Variants in RUNX1T1 observed in about 807,000 individuals in gnomAD.
RUNX1T1 encodes the protein protein CBFA2T1.
In RUNX1T1, 4 loss-of-function variants were observed where a neutral mutation model predicts 62.8. The observed-to-expected ratio is 0.06, with a 90% CI of 0.03 to 0.15. RUNX1T1 has a LOEUF of 0.15. RUNX1T1 is among the 10% of genes least tolerant of loss of function. The pLI is 1.00. For synonymous variants in RUNX1T1, 291 were observed against 286.0 expected, an observed-to-expected ratio of 1.02 and a Z score of -0.18; for missense variants, 508 against 754.3, an observed-to-expected ratio of 0.67 and a Z score of 3.82.
chr8:91,977,411 A>C (rs1280742855), intron 8 of RUNX1T1: 1 of 194,988 alleles, frequency 5.1e-6, no homozygotes, highest in Non-Finnish European at 1.1e-5. Context: ...AATGACAAAA[A>C]TAAAAACGTT....
intron 1 of RUNX1T1, chr8:92,095,462 G>A: frequency 6.5e-7 from 1 of 1,534,732 alleles, no homozygotes. Context: ...TGTCAGGATG[G>A]CACATTGTGT....
chr8:91,963,791 T>C (rs1811027000), intron 10 of RUNX1T1, among the ~76,000 whole-genome samples: 1 of 152,222 alleles, frequency 6.6e-6, no homozygotes, highest in Admixed American at 6.5e-5. Context: ...ATATTCAAGA[T>C]ACTATTTCCT....
intron 1 of RUNX1T1, among the ~76,000 whole-genome samples, chr8:92,082,627 C>T (rs757965674): frequency 3.3e-5 from 5 of 152,126 alleles, no homozygotes; most frequent in Non-Finnish European, 7.3e-5. Flanking sequence ...AAAAAGGTTT[C>T]CTGAAGAAAA....
chr8:92,030,005 A>G (rs76646320), intron 1 of RUNX1T1, among the ~76,000 whole-genome samples: 2,501 of 152,248 alleles, frequency 0.016, 62 homozygotes, highest in African/African-American at 0.056. Flanking sequence ...AACTCTTAGT[A>G]TAAAATCCAA....
exon 2 of RUNX1T1, chr8:92,017,232 T>C: frequency 6.2e-7 from 1 of 1,602,844 alleles, no homozygotes; most frequent in South Asian, 1.1e-5. Flanking sequence ...TTACACGTTG[T>C]CGGTGTAAAT....
intron 8 of RUNX1T1, among the ~76,000 whole-genome samples, chr8:91,978,377 A>G (rs1027823755): frequency 8.5e-5 from 13 of 152,144 alleles, no homozygotes; most frequent in Admixed American, 7.2e-4. Flanking sequence ...TACACATCCT[A>G]AACTCCCATT....
chr8:91,992,569 C>T (rs1323902447), intron 5 of RUNX1T1, among the ~76,000 whole-genome samples: 1 of 152,134 alleles, frequency 6.6e-6, no homozygotes, highest in African/African-American at 2.4e-5. Flanking sequence ...AAGGATCAAA[C>T]TGAGCAAATA....
At chr8:92,022,795 G>A (rs891490260) in intron 1 of RUNX1T1, among the ~76,000 whole-genome samples, 5 of 152,168 alleles carry the variant, frequency 3.3e-5, no homozygotes, top group African/African-American at 1.2e-4. Flanking sequence ...TAGCATTTTT[G>A]CTGAAACACA....
chr8:91,964,550 A>G (rs1248955253), intron 10 of RUNX1T1, among the ~76,000 whole-genome samples: 1 of 152,212 alleles, frequency 6.6e-6, no homozygotes, highest in African/African-American at 2.4e-5. Flanking sequence ...TCATTTTCAC[A>G]TGATTGCAGT....
intron 1 of RUNX1T1, chr8:92,095,378 CGGCCGA>C (rs1191834916): frequency 2.6e-6 from 4 of 1,535,414 alleles, no homozygotes; most frequent in East Asian, 2.4e-5. Context: ...AGAGCGGCCG[CGGCCGA>C]GGCGGCACCC....
At chr8:92,047,328 T>C (rs1422036068) in intron 1 of RUNX1T1, among the ~76,000 whole-genome samples, 5 of 152,082 alleles carry the variant, frequency 3.3e-5, no homozygotes, top group African/African-American at 1.2e-4. Context: ...AAGTCCCTTC[T>C]CAAAGAGGTG....
At chr8:92,066,819 G>C (rs1832946157), upstream of RUNX1T1, among the ~76,000 whole-genome samples, 1 of 152,222 alleles carries the variant, frequency 6.6e-6, no homozygotes, top group South Asian at 2.1e-4. Flanking sequence ...AAATAAGTGG[G>C]ATAGAGGGGG....
intron 8 of RUNX1T1, among the ~76,000 whole-genome samples, chr8:91,976,836 A>G (rs1025907553): frequency 3.9e-4 from 60 of 152,342 alleles, no homozygotes; most frequent in African/African-American, 1.3e-3. Flanking sequence ...TGGATTTTCA[A>G]TAAAAGCCTC....
intron 5 of RUNX1T1, among the ~76,000 whole-genome samples, chr8:91,999,332 T>C (rs1819317718): frequency 1.3e-5 from 2 of 152,198 alleles, no homozygotes; most frequent in African/African-American, 4.8e-5. Flanking sequence ...GGCTCTGCTA[T>C]TTGCTGGCCA....
intron 1 of RUNX1T1, among the ~76,000 whole-genome samples, chr8:92,027,188 T>C (rs1825385359): frequency 6.6e-6 from 1 of 151,492 alleles, no homozygotes; most frequent in Non-Finnish European, 1.5e-5. Flanking sequence ...ACTAGCCACA[T>C]GTGACTATTT....
At chr8:92,095,083 G>A (rs1251965810) in intron 1 of RUNX1T1, 66 of 1,535,418 alleles carry the variant, frequency 4.3e-5, no homozygotes, top group Admixed American at 7.8e-5. Context: ...CAAGGCCAGG[G>A]GTAGATGCCT....
intron 1 of RUNX1T1, among the ~76,000 whole-genome samples, chr8:92,076,731 A>G (rs1311262730): frequency 6.6e-6 from 1 of 152,102 alleles, no homozygotes; most frequent in Non-Finnish European, 1.5e-5. Context: ...ATTTTACCAA[A>G]TCAACAAACT....
chr8:92,058,826 G>A (rs1194811925), intron 1 of RUNX1T1, among the ~76,000 whole-genome samples: 1 of 152,152 alleles, frequency 6.6e-6, no homozygotes, highest in African/African-American at 2.4e-5. Context: ...GCTATATAAT[G>A]TCTACTAAGC....
At chr8:92,100,787 G>A (rs1161762825), upstream of RUNX1T1, among the ~76,000 whole-genome samples, 3 of 152,228 alleles carry the variant, frequency 2.0e-5, no homozygotes, top group African/African-American at 7.2e-5. Context: ...AAGGATAAAA[G>A]AGAGGGAAAT....
Sources: gnomAD v4.1 joint callset for allele counts (sites outside exome capture counted in the v4.1 genomes callset) on GRCh38, gnomAD v4.1.1 for gene constraint, MANE v1.5 for transcripts, NCBI Gene and HGNC (gene_info 2026-07-23, HGNC 2026-07-21) for gene names.